Variants in MGMT observed in about 807,000 individuals in gnomAD.
MGMT encodes O-6-methylguanine-DNA methyltransferase.
MGMT carries 14 observed loss-of-function variants against 15.9 expected under a neutral mutation model. The observed-to-expected ratio is 0.88, with a 90% CI of 0.58 to 1.37. The LOEUF (loss-of-function observed/expected upper bound fraction) is 1.37, where lower values mean the gene tolerates loss of function less well. MGMT is among the 40% of genes most tolerant of loss of function. The pLI, the probability that MGMT is intolerant of heterozygous loss-of-function variation, is 0.00. For missense variants in MGMT, 282 were observed against 268.1 expected, an observed-to-expected ratio of 1.05 and a Z score of -0.36; for synonymous variants, 130 against 118.2, an observed-to-expected ratio of 1.10 and a Z score of -0.65.
At chr10:129,475,792 A>C (rs1489041183) in intron 1 of MGMT, among the ~76,000 whole-genome samples, 1 of 152,236 alleles carries the variant, frequency 6.6e-6, no homozygotes, top group Non-Finnish European at 1.5e-5. Context: ...CACTTCTGAA[A>C]TAAGAACTGT....
At chr10:129,667,232 GT>G (rs1847669844) in intron 2 of MGMT, among the ~76,000 whole-genome samples, 1 of 152,134 alleles carries the variant, frequency 6.6e-6, no homozygotes. Flanking sequence ...GCTCCCAGAA[GT>G]AACCCTATTC....
At chr10:129,502,525 T>A (rs1234277725) in intron 1 of MGMT, among the ~76,000 whole-genome samples, 1 of 152,134 alleles carries the variant, frequency 6.6e-6, no homozygotes, top group Admixed American at 6.5e-5. Context: ...AATTGTTTTA[T>A]TTTGCCTTAA....
At chr10:129,710,491 A>ACCCAGCCC (rs1589951128) in intron 3 of MGMT, among the ~76,000 whole-genome samples, 2 of 152,200 alleles carry the variant, frequency 1.3e-5, no homozygotes, top group East Asian at 3.9e-4. Flanking sequence ...GGGATTCCCC[A>ACCCAGCCC]CCACAGCATG....
chr10:129,485,737 T>C (rs1845401692), intron 1 of MGMT, among the ~76,000 whole-genome samples: 1 of 152,248 alleles, frequency 6.6e-6, no homozygotes, highest in Non-Finnish European at 1.5e-5. Flanking sequence ...GTTTTAGCTG[T>C]TACATGTGGT....
chr10:129,552,021 G>A lies in MGMT; in HGVS notation c.125+15644G>A, dbSNP rs557855293. On this transcript the variant is annotated intron_variant, in intron 2 of 4. Coordinates refer to ENST00000651593, the MANE Select transcript of MGMT (RefSeq NM_002412.5). ...TGGGATAATGATCAGAAGCTTGGCA[G>A]TCATGGGACCAGGATAAGAAGAACC... Among the ~76,000 whole-genome samples, 9 of 152,358 alleles carry A rather than the reference G, an allele frequency of 5.9e-5. No individual in the cohort carries two copies. The South Asian group carries it at 1.9e-3, about 32-fold the overall frequency.
At chr10:129,555,138 G>A (rs559472911) in intron 2 of MGMT, among the ~76,000 whole-genome samples, 8 of 152,164 alleles carry the variant, frequency 5.3e-5, no homozygotes, top group Non-Finnish European at 1.2e-4. Context: ...TCGCCCCTGC[G>A]TGCTCAGCAG....
At chr10:129,477,768 C>T (rs1026578988) in intron 1 of MGMT, among the ~76,000 whole-genome samples, 5 of 152,138 alleles carry the variant, frequency 3.3e-5, no homozygotes, top group Admixed American at 1.3e-4. Context: ...TATTTTGTTA[C>T]GGCAGCCCAG....
chr10:129,482,073 G>A (rs1409739171), intron 1 of MGMT, among the ~76,000 whole-genome samples: 1 of 152,294 alleles, frequency 6.6e-6, no homozygotes, highest in Admixed American at 6.5e-5. Flanking sequence ...TGCTTTAGGT[G>A]TGCTCACAGA....
chr10:129,570,826 T>C (rs1846409497), intron 2 of MGMT, among the ~76,000 whole-genome samples: 1 of 152,196 alleles, frequency 6.6e-6, no homozygotes. Context: ...ACTATAGACA[T>C]TAATTTAAAA....
chr10:129,713,677 A>G (rs1305576463), intron 3 of MGMT, among the ~76,000 whole-genome samples: 1 of 152,182 alleles, frequency 6.6e-6, no homozygotes, highest in Non-Finnish European at 1.5e-5. Context: ...GAGATCAGTG[A>G]AAGTGCAGGA....
At chr10:129,661,123 T>C (rs1847592410) in intron 2 of MGMT, among the ~76,000 whole-genome samples, 1 of 152,176 alleles carries the variant, frequency 6.6e-6, no homozygotes, top group South Asian at 2.1e-4. Flanking sequence ...TCCTAATATA[T>C]CATAGGCTTT....
At chr10:129,549,197 T>C (rs1564849008) in intron 2 of MGMT, among the ~76,000 whole-genome samples, 1 of 152,324 alleles carries the variant, frequency 6.6e-6, no homozygotes, top group South Asian at 2.1e-4. Flanking sequence ...CTTCAGTTCT[T>C]CTTCAGTTTT....
At chr10:129,515,276 A>G (rs886630577) in intron 1 of MGMT, among the ~76,000 whole-genome samples, 2 of 152,160 alleles carry the variant, frequency 1.3e-5, no homozygotes, top group African/African-American at 4.8e-5. Context: ...CGTCAGGAGC[A>G]GCAGCTGCGG....
At chr10:129,757,269 G>C (rs1045297134) in intron 3 of MGMT, among the ~76,000 whole-genome samples, 1 of 152,156 alleles carries the variant, frequency 6.6e-6, no homozygotes, top group African/African-American at 2.4e-5. Flanking sequence ...TTTACACTTG[G>C]AAAGAAAGGT....
intron 3 of MGMT, among the ~76,000 whole-genome samples, chr10:129,729,784 A>G (rs1485744196): frequency 6.6e-6 from 1 of 152,214 alleles, no homozygotes; most frequent in East Asian, 1.9e-4. Context: ...TTGGTCTTCA[A>G]AAGTTAACTA....
intron 1 of MGMT, among the ~76,000 whole-genome samples, chr10:129,473,043 C>T (rs1845250358): frequency 6.6e-6 from 1 of 152,156 alleles, no homozygotes; most frequent in South Asian, 2.1e-4. Flanking sequence ...CCTAGGGGCA[C>T]TTGGCAGTTG....
At chr10:129,494,173 C>T (rs1711674) in intron 1 of MGMT, among the ~76,000 whole-genome samples, 151,809 of 152,350 alleles carry the variant, frequency 1, 75,637 homozygotes, top group Middle Eastern at 1. Flanking sequence ...GTGTCTTACA[C>T]TGAGAAATTC....
At chr10:129,592,773 A>G (rs1172644652) in intron 2 of MGMT, among the ~76,000 whole-genome samples, 1 of 152,032 alleles carries the variant, frequency 6.6e-6, no homozygotes, top group Non-Finnish European at 1.5e-5. Context: ...AGTCTCAAAA[A>G]TGTAAACCAG....
intron 1 of MGMT, among the ~76,000 whole-genome samples, chr10:129,488,280 T>G (rs1225475477): frequency 6.6e-6 from 1 of 152,150 alleles, no homozygotes; most frequent in African/African-American, 2.4e-5. Flanking sequence ...ACCTACTGGG[T>G]AAAAATCCTG....
Sources: gnomAD v4.1 joint callset for allele counts (sites outside exome capture counted in the v4.1 genomes callset) on GRCh38, gnomAD v4.1.1 for gene constraint, MANE v1.5 for transcripts, NCBI Gene and HGNC (gene_info 2026-07-23, HGNC 2026-07-21) for gene names.